CSMD1: variants seen among roughly 807,000 people sequenced by gnomAD.
The protein encoded by CSMD1 is CUB and Sushi multiple domains 1, also known as CUB and sushi domain-containing protein 1.
Under a neutral mutation model 417.5 loss-of-function variants are expected in CSMD1, and 213 were observed. That is an observed-to-expected ratio of 0.51 (90% CI 0.46 to 0.57). CSMD1 has a LOEUF of 0.57. Ranked by LOEUF, CSMD1 falls within the 20% of genes least tolerant of loss-of-function variation. The probability of loss-of-function intolerance (pLI) is 0.00; values close to 1 mark genes in which losing one functional copy is unlikely to be tolerated. For synonymous variants in CSMD1, 2,862 were observed against 1,736.8 expected, an observed-to-expected ratio of 1.65 and a Z score of -16.11; for missense variants, 6,923 against 4,529.7, an observed-to-expected ratio of 1.53 and a Z score of -15.17.
chr8:4,058,399 T>A (rs2130727254), intron 3 of CSMD1, among the ~76,000 whole-genome samples: 1 of 152,298 alleles, frequency 6.6e-6, no homozygotes, highest in South Asian at 2.1e-4. Context: ...CCTCAGACTT[T>A]GCTGAAGATG....
rs190784534 is a variant in CSMD1 at position 3,933,182 on chromosome 8, T to C, written c.818+64721A>G. ...AGTCCACCTCCGTGGTAATACCTAG[T>C]GAATCTCCATTTTTTCCAAAACAAT... On this transcript the variant is annotated intron_variant, in intron 5 of 69. Transcript: ENST00000635120. Among the ~76,000 whole-genome samples the C allele has an allele frequency of 9.1e-4, 139 of 152,124 alleles. 6 individuals are homozygous for C. The highest frequency in any genetic ancestry group is 3.1e-3 in the African/African-American group (129 of 41,492).
At chr8:4,749,661 A>C (rs534844577) in intron 1 of CSMD1, among the ~76,000 whole-genome samples, 2 of 152,340 alleles carry the variant, frequency 1.3e-5, no homozygotes, top group South Asian at 2.1e-4. Context: ...CCAGTTTAGT[A>C]ATTTTTAATT....
chr8:4,454,896 A>G lies in CSMD1; in HGVS notation c.303-34831T>C, dbSNP rs116041070. 6.0e-3 allele frequency among the ~76,000 whole-genome samples: 908 copies of G among 152,248 alleles called. 12 individuals are homozygous for G. Among genetic ancestry groups the G allele is most frequent in the African/African-American group, 0.021 (878 of 41,558 alleles). On this transcript the variant is annotated intron_variant, in intron 2 of 69. Transcript: ENST00000635120. Reference sequence around the variant, plus strand: ...CTAAATGGCGTCCTGTGATACACCTACAGAAACTGAAGTCTTACAAACACA... The same window carrying G: ...CTAAATGGCGTCCTGTGATACACCTGCAGAAACTGAAGTCTTACAAACACA...
rs561163339 is a variant in CSMD1 at position 3,274,344 on chromosome 8, C to G, written c.4153+9800G>C. On this transcript the variant is annotated intron_variant, in intron 26 of 69. Coordinates refer to ENST00000635120, the MANE Select transcript of CSMD1 (RefSeq NM_033225.6). ...ATATTTGCTGAGGAGTGCTTTACTT[C>G]CAACTATGTGGTCAATTTTGGAGTA... 3.0e-3 allele frequency among the ~76,000 whole-genome samples: 452 copies of G among 152,230 alleles called. 2 individuals are homozygous for G. The highest frequency in any genetic ancestry group is 0.011 in the African/African-American group (437 of 41,546).
At position 4,558,911 on chromosome 8, in the gene CSMD1, T is replaced by C. The variant is rs868042457; in HGVS notation, c.302+78431A>G. Reference sequence around the variant, plus strand: ...AATCAAATCAAAACAAAACAAAAAATAGAGATTTCAACTGATCATGTTTTT... The same window carrying C: ...AATCAAATCAAAACAAAACAAAAAACAGAGATTTCAACTGATCATGTTTTT... On this transcript the variant is annotated intron_variant, in intron 2 of 69. Transcript: ENST00000635120. Among the ~76,000 whole-genome samples, 30 of 118,670 alleles carry C rather than the reference T, an allele frequency of 2.5e-4. No individual in the cohort carries two copies. In the Admixed American group the frequency reaches 2.6e-3, roughly 10 times the overall value. 77.9% of individuals were successfully genotyped at this position (118,670 alleles called of 152,430 possible).
intron 3 of CSMD1, among the ~76,000 whole-genome samples, chr8:4,184,199 C>G (rs1451442169): frequency 6.6e-6 from 1 of 152,142 alleles, no homozygotes; most frequent in Non-Finnish European, 1.5e-5. Flanking sequence ...CTGTGTCAGT[C>G]TGAGCCTAAG....
chr8:3,982,590 C>G (rs994627035), intron 5 of CSMD1, among the ~76,000 whole-genome samples: 1 of 151,006 alleles, frequency 6.6e-6, no homozygotes, highest in Non-Finnish European at 1.5e-5. Flanking sequence ...TAGAATTTCA[C>G]TACTATTATG....
intron 2 of CSMD1, among the ~76,000 whole-genome samples, chr8:4,624,035 T>C (rs1339329433): frequency 6.6e-6 from 1 of 152,120 alleles, no homozygotes; most frequent in Non-Finnish European, 1.5e-5. Flanking sequence ...GACTCATTCA[T>C]CAAGCTAGTA....
At position 4,671,766 on chromosome 8, in the gene CSMD1, C is replaced by G. The variant is rs189586368; in HGVS notation, c.86-34208G>C. On this transcript the variant is annotated intron_variant, in intron 1 of 69. Transcript: ENST00000635120. Reference sequence around the variant, plus strand: ...GCTTGTGTGTGTGTGCTTGCACGCTCACAAGCATGCCTGCTTTCCTCCAGG... The same window carrying G: ...GCTTGTGTGTGTGTGCTTGCACGCTGACAAGCATGCCTGCTTTCCTCCAGG... Among the ~76,000 whole-genome samples, 149 of 152,200 alleles carry G rather than the reference C, an allele frequency of 9.8e-4. 1 individual carries two copies. Among genetic ancestry groups the G allele is most frequent in the Admixed American group, 9.8e-3 (149 of 15,278 alleles).
chr8:3,628,557 C>T (rs1266681435), intron 7 of CSMD1, among the ~76,000 whole-genome samples: 4 of 152,144 alleles, frequency 2.6e-5, no homozygotes, highest in Admixed American at 2.6e-4. Context: ...TGGTTGGATG[C>T]CACTGGGCCA....
chr8:4,073,483 G>T (rs1485418880), intron 3 of CSMD1, among the ~76,000 whole-genome samples: 1 of 152,058 alleles, frequency 6.6e-6, no homozygotes, highest in Non-Finnish European at 1.5e-5. Context: ...TCATTTTCTG[G>T]CTGTCCTCAT....
In CSMD1 at chr8:3,656,497, C is replaced by T. The variant is rs113532179; in HGVS notation, c.1010-39700G>A. The stretch of plus-strand genomic sequence containing the variant: ...ATCTGCATCTGAAGCATTCATTATG[C>T]AATAGTGCAGTCCTCAGTCTTCTAA... On this transcript the variant is annotated intron_variant, in intron 7 of 69. Coordinates refer to ENST00000635120, the MANE Select transcript of CSMD1 (RefSeq NM_033225.6). Among the ~76,000 whole-genome samples the T allele has an allele frequency of 4.6e-5, 7 of 152,266 alleles. 1 individual carries two copies. The highest frequency in any genetic ancestry group is 1.7e-4 in the African/African-American group (7 of 41,554).
At chr8:3,226,637 C>T (rs529180346) in intron 27 of CSMD1, among the ~76,000 whole-genome samples, 9 of 149,310 alleles carry the variant, frequency 6.0e-5, no homozygotes, top group African/African-American at 2.2e-4. Flanking sequence ...AATTCTCCTT[C>T]TAGACTAAGT....
At chr8:4,248,700 T>A (rs1802859704) in intron 3 of CSMD1, among the ~76,000 whole-genome samples, 1 of 152,152 alleles carries the variant, frequency 6.6e-6, no homozygotes, top group African/African-American at 2.4e-5. Context: ...TACCAACACT[T>A]GTATCCTGCT....
intron 5 of CSMD1, among the ~76,000 whole-genome samples, chr8:3,892,612 C>G (rs1807054041): frequency 6.6e-6 from 1 of 151,878 alleles, no homozygotes; most frequent in South Asian, 2.1e-4. Context: ...CTCCTACTTT[C>G]ACTCTGGTGC....
intron 2 of CSMD1, among the ~76,000 whole-genome samples, chr8:4,503,173 C>G (rs948264444): frequency 6.6e-5 from 10 of 152,128 alleles, no homozygotes; most frequent in African/African-American, 2.4e-4. Context: ...TATAGTCTCT[C>G]TTATCATCCG....
rs1799277946 is a variant in CSMD1 at position 4,578,963 on chromosome 8, C to A, written c.302+58379G>T. Among the ~76,000 whole-genome samples the A allele has an allele frequency of 2.0e-5, 3 of 151,536 alleles. No homozygotes were observed. In the South Asian group the frequency reaches 6.2e-4, roughly 31 times the overall value. The stretch of plus-strand genomic sequence containing the variant: ...CAATACATTTAATTAAAATGATTAA[C>A]CTTTTTAAACAGCATCTTTTCATTA... On this transcript the variant is annotated intron_variant, in intron 2 of 69. Transcript: ENST00000635120.
chr8:4,216,144 C>A (rs1028813554), intron 3 of CSMD1, among the ~76,000 whole-genome samples: 3 of 151,984 alleles, frequency 2.0e-5, no homozygotes, highest in Admixed American at 6.6e-5. Context: ...TATGTAATCC[C>A]ATTTTTTCAC....
intron 26 of CSMD1, among the ~76,000 whole-genome samples, chr8:3,234,334 CTG>C (rs1207329405): frequency 1.3e-5 from 2 of 152,228 alleles, no homozygotes; most frequent in Admixed American, 6.5e-5. Context: ...AGAGTCCTCA[CTG>C]TAATACTGCA....
Sources: gnomAD v4.1 joint callset for allele counts (sites outside exome capture counted in the v4.1 genomes callset) on GRCh38, gnomAD v4.1.1 for gene constraint, MANE v1.5 for transcripts, NCBI Gene and HGNC (gene_info 2026-07-23, HGNC 2026-07-21) for gene names.